The following ANKRD12 variants were observed in gnomAD, a reference collection of about 807,000 sequenced individuals.
The protein encoded by ANKRD12 is ankyrin repeat domain-containing protein 12.
A neutral mutation model predicts 183.4 loss-of-function variants in ANKRD12; 85 were observed. That is an observed-to-expected ratio of 0.46 (90% confidence interval 0.39 to 0.56). ANKRD12 has a LOEUF of 0.56. ANKRD12 is among the 20% of genes least tolerant of loss of function. The pLI, the probability that ANKRD12 is intolerant of heterozygous loss-of-function variation, is 0.00. For synonymous variants in ANKRD12, 914 were observed against 800.2 expected, an observed-to-expected ratio of 1.14 and a Z score of -2.40; for missense variants, 2,405 against 2,357.1, an observed-to-expected ratio of 1.02 and a Z score of -0.42.
At position 9,221,995 on chromosome 18, in the gene ANKRD12, C is replaced by A; in HGVS notation, c.939C>A (p.Tyr313Ter). 2 of 1,613,572 alleles carry A rather than the reference C, an allele frequency of 1.2e-6. No homozygotes were observed. The highest frequency in any genetic ancestry group is 1.7e-6 in the Non-Finnish European group (2 of 1,179,722). The change falls in exon 8 of 13, where the codon TAC (tyrosine) becomes TAA (stop). Residue 313 changes from tyrosine (Y) to a stop codon, truncating the protein, a stop_gained. Coordinates refer to ENST00000262126, the MANE Select transcript of ANKRD12 (RefSeq NM_015208.5). LOFTEE classifies it high-confidence loss of function. Reference protein sequence around the residue: ...EVPLSDDDESYTDSEEAQSVN... With the variant: ...EVPLSDDDES ...CTTTATCTGATGATGATGAAAGTTA[C>A]ACAGGTTTGTTTCAGATAATCTACA...
chr18:9,277,321 CTTTTTTTTTTTT>C (rs773999861), intron 11 of ANKRD12, among the ~76,000 whole-genome samples: 3 of 84,652 alleles, frequency 3.5e-5, no homozygotes, highest in Non-Finnish European at 6.8e-5. Flanking sequence ...CACCCTGTTT[CTTTTTTTTTTTT>C]TTTTTTTTTT....
In ANKRD12 at chr18:9,255,582, A is replaced by G. The variant is rs781226147; in HGVS notation, c.2315A>G (p.Glu772Gly). ...FREEKIKDLKEERENIPTDKD... is the reference protein window; with the variant it reads ...FREEKIKDLKGERENIPTDKD... Reference sequence around the variant, plus strand: ...GAGGAAAAAATAAAAGATCTAAAAGAAGAGAGAGAAAACATACCCACAGAT... The same window carrying G: ...GAGGAAAAAATAAAAGATCTAAAAGGAGAGAGAGAAAACATACCCACAGAT... Residue 772 changes from glutamate to glycine, a missense_variant, in exon 9 of 13, where the codon GAA becomes GGA. Physicochemically the swap from Glu to Gly is moderately conservative, Grantham distance 98 (BLOSUM62 -2). This residue lies in a region of ANKRD12 where 1,983 missense variants were observed against 1,725.9 expected (regional missense o/e 1.15). Coordinates refer to ENST00000262126, the MANE Select transcript of ANKRD12 (RefSeq NM_015208.5). The G allele has an allele frequency of 2.6e-6, 4 of 1,568,500 alleles. No individual in the cohort carries two copies. The highest frequency in any genetic ancestry group is 1.2e-5 in the South Asian group (1 of 81,952).
intron 8 of ANKRD12, among the ~76,000 whole-genome samples, chr18:9,248,808 A>G (rs764565317): frequency 1.3e-5 from 2 of 152,254 alleles, no homozygotes; most frequent in Non-Finnish European, 2.9e-5. Flanking sequence ...CAAATAGCAT[A>G]TCTGTGCTCC....
intron 10 of ANKRD12, among the ~76,000 whole-genome samples, chr18:9,264,802 T>C (rs1001462682): frequency 1.3e-5 from 2 of 152,220 alleles, no homozygotes; most frequent in Non-Finnish European, 2.9e-5. Context: ...TATATTCATC[T>C]GTGTACCTGT....
At position 9,257,377 on chromosome 18, in the gene ANKRD12, A is replaced by G. The variant is rs759851972; in HGVS notation, c.4110A>G (p.Ala1370=). Residue 1370 remains alanine, a synonymous_variant, in exon 9 of 13, where the codon GCA becomes GCG. Coordinates refer to ENST00000262126, the MANE Select transcript of ANKRD12 (RefSeq NM_015208.5). ...SNVSNIHSSF[A]TSPTGASNSK... is the part of the protein sequence containing the mutation. ...TATCTAACATACATTCCAGTTTTGC[A>G]ACTTCTCCAACTGGAGCTTCAAACA... 9 of 1,614,144 alleles carry G rather than the reference A, an allele frequency of 5.6e-6. No homozygotes were observed. The highest frequency in any genetic ancestry group is 1.1e-5 in the South Asian group (1 of 91,084).
At position 9,255,606 on chromosome 18, in the gene ANKRD12, A is replaced by C. The variant is rs745811900; in HGVS notation, c.2339A>C (p.Asp780Ala). ...LKEERENIPT[D>A]KDSEFTSLGM... ...GAAGAGAGAGAAAACATACCCACAG[A>C]TAAAGACTCAGAATTTACTTCTTTG... Residue 780 changes from aspartate (D) to alanine (A), a missense_variant, in exon 9 of 13, where the codon GAT (aspartate) becomes GCT (alanine). By Grantham distance (126) the Asp-to-Ala change is moderately radical. Coordinates refer to ENST00000262126, the MANE Select transcript of ANKRD12 (RefSeq NM_015208.5). 6.4e-7 allele frequency: 1 copy of C among 1,570,238 alleles called. No individual in the cohort carries two copies. The highest frequency in any genetic ancestry group is 8.6e-7 in the Non-Finnish European group (1 of 1,168,398).
At chr18:9,222,351 C>G (rs998718618) in intron 8 of ANKRD12, among the ~76,000 whole-genome samples, 1 of 152,128 alleles carries the variant, frequency 6.6e-6, no homozygotes, top group Admixed American at 6.5e-5. Context: ...AGCTACTAAC[C>G]AAACACTTCA....
intron 10 of ANKRD12, among the ~76,000 whole-genome samples, chr18:9,268,390 G>A (rs1316001234): frequency 1.3e-5 from 2 of 152,100 alleles, no homozygotes; most frequent in African/African-American, 4.8e-5. Flanking sequence ...CTGGCAAACC[G>A]AATCCAGCAG....
chr18:9,228,884 C>T (rs865909518), intron 8 of ANKRD12, among the ~76,000 whole-genome samples: 30 of 148,372 alleles, frequency 2.0e-4, no homozygotes, highest in African/African-American at 6.5e-4. Flanking sequence ...TTTGCCTAGA[C>T]CAATGTCCTA....
intron 2 of ANKRD12, among the ~76,000 whole-genome samples, chr18:9,192,856 A>G (rs1374449802): frequency 6.6e-6 from 1 of 151,462 alleles, no homozygotes; most frequent in African/African-American, 2.4e-5. Context: ...TAGTTTTTAA[A>G]AATTTTTTAT....
intron 1 of ANKRD12, among the ~76,000 whole-genome samples, chr18:9,141,655 T>C (rs1290752703): frequency 2.0e-5 from 3 of 152,184 alleles, no homozygotes; most frequent in African/African-American, 7.2e-5. Flanking sequence ...TAAAAAAAAT[T>C]CTAAAAATTT....
At chr18:9,231,742 A>G (rs1006742032) in intron 8 of ANKRD12, among the ~76,000 whole-genome samples, 2 of 149,026 alleles carry the variant, frequency 1.3e-5, no homozygotes, top group East Asian at 2.0e-4. Context: ...GGAGGATAGC[A>G]TGAACCTGGG....
chr18:9,164,491 T>C (rs2031818800), intron 1 of ANKRD12, among the ~76,000 whole-genome samples: 1 of 152,230 alleles, frequency 6.6e-6, no homozygotes, highest in Non-Finnish European at 1.5e-5. Flanking sequence ...GTTGTGACAT[T>C]AGGTTGTTAA....
chr18:9,216,594 A>G (rs970023686), intron 6 of ANKRD12, among the ~76,000 whole-genome samples, 164 bp from the exon 7 acceptor site: 5 of 152,168 alleles, frequency 3.3e-5, no homozygotes, highest in African/African-American at 1.2e-4. Flanking sequence ...CCTTCAGTAA[A>G]TTGATATTGT....
intron 3 of ANKRD12, among the ~76,000 whole-genome samples, chr18:9,196,678 A>G (rs1222591201): frequency 2.0e-5 from 3 of 152,208 alleles, no homozygotes; most frequent in Non-Finnish European, 4.4e-5. Context: ...TTTGGTAGCC[A>G]GGTCTCCTTT....
chr18:9,273,860 A>G (rs2039715578), intron 10 of ANKRD12, among the ~76,000 whole-genome samples: 1 of 152,222 alleles, frequency 6.6e-6, no homozygotes, highest in South Asian at 2.1e-4. Flanking sequence ...AAGTGATTTT[A>G]TCTTACTTCA....
chr18:9,137,320 C>T (rs1361723941), intron 1 of ANKRD12, among the ~76,000 whole-genome samples: 3 of 146,280 alleles, frequency 2.1e-5, no homozygotes, highest in Admixed American at 6.8e-5. Context: ...GGGGGCCGGG[C>T]GGAGGGCCGC....
intron 1 of ANKRD12, among the ~76,000 whole-genome samples, chr18:9,144,475 T>G (rs976160168): frequency 6.6e-6 from 1 of 152,132 alleles, no homozygotes; most frequent in Non-Finnish European, 1.5e-5. Flanking sequence ...GAATTTCCCC[T>G]CCCTATAGCT....
chr18:9,276,022 G>A (rs904657662), intron 11 of ANKRD12, among the ~76,000 whole-genome samples: 1 of 152,184 alleles, frequency 6.6e-6, no homozygotes, highest in Non-Finnish European at 1.5e-5. Flanking sequence ...CAGCTAGATG[G>A]CACCTCTAGG....
Sources: allele counts gnomAD v4.1 joint callset (sites outside exome capture counted in the v4.1 genomes callset), GRCh38; gene constraint gnomAD v4.1.1; regional missense constraint gnomAD v4.1.1; transcripts MANE v1.5; gene names NCBI Gene and HGNC (gene_info 2026-07-23, HGNC 2026-07-21).